Variants in NUMB observed in about 807,000 individuals in gnomAD.
The protein encoded by NUMB is protein numb homolog.
NUMB carries 29 observed loss-of-function variants against 59.7 expected under a neutral mutation model. That is an observed-to-expected ratio of 0.49 (90% CI 0.36 to 0.66). The LOEUF is 0.66. Among genes scored for constraint, NUMB ranks in the 30% least tolerant of loss-of-function variants. NUMB has a pLI of 0.00. For missense variants in NUMB, 723 were observed against 822.0 expected, an observed-to-expected ratio of 0.88 and a Z score of 1.47; for synonymous variants, 288 against 288.2, an observed-to-expected ratio of 1.00 and a Z score of 0.01.
intron 6 of NUMB, among the ~76,000 whole-genome samples, chr14:73,305,692 A>T (rs376868186): frequency 9.8e-5 from 15 of 152,354 alleles, no homozygotes; most frequent in South Asian, 6.2e-4. Flanking sequence ...AAACAGACCA[A>T]TTAGGGCAGA....
intron 6 of NUMB, among the ~76,000 whole-genome samples, chr14:73,303,573 G>C (rs1171872805): frequency 1.3e-5 from 2 of 151,828 alleles, no homozygotes; most frequent in Admixed American, 6.6e-5. Context: ...GACAGAGCGA[G>C]ACTCCATCTC....
intron 1 of NUMB, among the ~76,000 whole-genome samples, chr14:73,420,205 A>C (rs2140149703): frequency 6.6e-6 from 1 of 152,350 alleles, no homozygotes. Flanking sequence ...GTTTCCAGGT[A>C]TGAGAGCAGT....
chr14:73,409,314 T>C (rs1309151772), intron 2 of NUMB: 1 of 152,228 alleles, frequency 6.6e-6, no homozygotes, highest in African/African-American at 2.4e-5. Flanking sequence ...CTTCCTCTCT[T>C]GGGATGCTCT....
rs1165218355 is a variant in NUMB at position 73,283,976 on chromosome 14, A to AG, written c.949+104dup. 4 of 1,089,588 alleles carry AG rather than the reference A, an allele frequency of 3.7e-6. No homozygotes were observed. In the Admixed American group the frequency reaches 8.6e-5, roughly 23 times the overall value. 67.5% of individuals were successfully genotyped at this position (1,089,588 alleles called of 1,614,324 possible). On this transcript the variant is annotated intron_variant, in intron 10 of 12. Coordinates refer to ENST00000555238, the MANE Select transcript of NUMB (RefSeq NM_001005743.2). Reference sequence around the variant, plus strand: ...AAAGATACAACTATCAACGAACCTCAGGGAAAGAGGAATGCCTAGTTTAAT... The same window carrying AG: ...AAAGATACAACTATCAACGAACCTCAGGGGAAAGAGGAATGCCTAGTTTAAT...
intron 1 of NUMB, among the ~76,000 whole-genome samples, chr14:73,440,531 T>C (rs1882976602): frequency 6.6e-6 from 1 of 151,822 alleles, no homozygotes; most frequent in Non-Finnish European, 1.5e-5. Context: ...TTAGATATTG[T>C]ATCAAAAGCA....
At chr14:73,382,475 T>C (rs1001070639) in intron 2 of NUMB, among the ~76,000 whole-genome samples, 3 of 151,838 alleles carry the variant, frequency 2.0e-5, no homozygotes, top group African/African-American at 7.3e-5. Flanking sequence ...AGCAGAACTT[T>C]AGGTAGTCTC....
intron 4 of NUMB, among the ~76,000 whole-genome samples, chr14:73,347,554 T>C (rs1050502046): frequency 4.6e-5 from 7 of 152,350 alleles, no homozygotes; most frequent in Admixed American, 4.6e-4. Context: ...CTGGATTCTA[T>C]ACTCAGGATT....
intron 1 of NUMB, among the ~76,000 whole-genome samples, chr14:73,443,347 G>A (rs1464720764): frequency 1.3e-5 from 2 of 152,172 alleles, no homozygotes; most frequent in Non-Finnish European, 2.9e-5. Flanking sequence ...TGTAATCCCA[G>A]CACTTTGGGA....
At chr14:73,435,355 G>A (rs1043234668) in intron 1 of NUMB, among the ~76,000 whole-genome samples, 4 of 145,088 alleles carry the variant, frequency 2.8e-5, no homozygotes, top group Non-Finnish European at 6.0e-5. Context: ...CTCACTACAA[G>A]CTCCACCTCC....
intron 1 of NUMB, among the ~76,000 whole-genome samples, chr14:73,438,746 C>A (rs145589243): frequency 2.0e-5 from 3 of 150,362 alleles, no homozygotes; most frequent in African/African-American, 7.4e-5. Flanking sequence ...AAAATATGCA[C>A]GAAGAAAAAA....
chr14:73,403,824 G>A (rs1167254619), intron 2 of NUMB, among the ~76,000 whole-genome samples: 4 of 152,060 alleles, frequency 2.6e-5, no homozygotes, highest in Admixed American at 2.6e-4. Context: ...GCCAGGCATG[G>A]TGGCTCATGC....
rs1159902052 is a variant in NUMB at position 73,395,030 on chromosome 14, CGTGTGTTTGTGTGTGTGTGTGTGT to C, written c.-101+14883_-101+14906del. On this transcript the variant is annotated intron_variant, in intron 2 of 12. Transcript: ENST00000555238. Reference sequence around the variant, plus strand: ...ATCTCCTTTAAGGTTGAATAGTATTCGTGTGTTTGTGTGTGTGTGTGTGTGTGTGTGTGTGTGTGTGTGTGTGTG... The same window carrying C: ...ATCTCCTTTAAGGTTGAATAGTATTCGTGTGTGTGTGTGTGTGTGTGTGTG... Among the ~76,000 whole-genome samples the C allele has an allele frequency of 9.3e-3, 540 of 58,340 alleles. 5 individuals are homozygous for C. Among genetic ancestry groups the C allele is most frequent in the African/African-American group, 0.021 (493 of 24,008 alleles). 38.3% of individuals were successfully genotyped at this position (58,340 alleles called of 152,430 possible). A position where few individuals can be genotyped will look rare whatever the true frequency, so the allele number is the denominator to read the frequency against.
At chr14:73,285,562 C>T (rs1566725974) in intron 9 of NUMB, 1 of 150,430 alleles carries the variant, frequency 6.6e-6, no homozygotes, top group African/African-American at 2.4e-5. Context: ...AATATGTATG[C>T]TTTTTTTTTG....
chr14:73,374,198 C>T (rs912901673), intron 2 of NUMB, among the ~76,000 whole-genome samples: 33 of 152,006 alleles, frequency 2.2e-4, no homozygotes, highest in African/African-American at 5.1e-4. Context: ...TAAAAATGTT[C>T]GTAGAGAATT....
intron 1 of NUMB, among the ~76,000 whole-genome samples, chr14:73,446,161 T>C (rs1883489152): frequency 6.6e-6 from 1 of 151,886 alleles, no homozygotes; most frequent in Non-Finnish European, 1.5e-5. Flanking sequence ...CACACCCGGC[T>C]AATTTTTGTA....
intron 4 of NUMB, among the ~76,000 whole-genome samples, chr14:73,351,135 A>G (rs1325601251): frequency 2.0e-5 from 3 of 152,202 alleles, no homozygotes; most frequent in East Asian, 3.8e-4. Context: ...CGTGTAAGGA[A>G]TCTGCACTTA....
At chr14:73,420,572 C>T (rs1246926223) in intron 1 of NUMB, among the ~76,000 whole-genome samples, 1 of 152,154 alleles carries the variant, frequency 6.6e-6, no homozygotes, top group African/African-American at 2.4e-5. Flanking sequence ...GTAATCCCAG[C>T]ACTTTGGGAT....
chr14:73,291,878 GT>G (rs1192165145), intron 8 of NUMB, among the ~76,000 whole-genome samples: 1 of 150,742 alleles, frequency 6.6e-6, no homozygotes, highest in African/African-American at 2.4e-5. Flanking sequence ...TAGAGACGGG[GT>G]TTCACCATAT....
intron 2 of NUMB, among the ~76,000 whole-genome samples, chr14:73,396,021 CTTTTTTA>C (rs1046722980): frequency 7.9e-5 from 12 of 152,038 alleles, no homozygotes; most frequent in Non-Finnish European, 1.6e-4. Context: ...CTAACATAGT[CTTTTTTA>C]TTTTTATTTT....
Sources: gnomAD v4.1 joint callset for allele counts (sites outside exome capture counted in the v4.1 genomes callset) on GRCh38, gnomAD v4.1.1 for gene constraint, MANE v1.5 for transcripts, NCBI Gene and HGNC (gene_info 2026-07-23, HGNC 2026-07-21) for gene names.